NCALD: variants seen among roughly 807,000 people sequenced by gnomAD.
NCALD encodes the protein neurocalcin-delta.
Under a neutral mutation model 18.6 loss-of-function variants are expected in NCALD, and 10 were observed. The observed-to-expected ratio is 0.54, with a 90% CI of 0.33 to 0.91. NCALD has a LOEUF of 0.91. NCALD is among the 40% of genes least tolerant of loss of function. The pLI is 0.03. For missense variants in NCALD, 184 were observed against 247.6 expected (o/e 0.74, Z 1.72); for synonymous variants, 88 against 87.4 (o/e 1.01, Z -0.04).
chr8:101,848,158 A>C lies in NCALD; in HGVS notation c.-20+38983T>G, dbSNP rs145093005. Among the ~76,000 whole-genome samples, 355 of 152,246 alleles carry C rather than the reference A, an allele frequency of 2.3e-3. 2 individuals carry two copies. Among genetic ancestry groups the C allele is most frequent in the African/African-American group, 8.3e-3 (343 of 41,538 alleles). ...CCTATCTCAGGAAAGCATCATAAGA[A>C]AAATAGCTAAAAATTGAGGTATTCT... On this transcript the variant is annotated intron_variant, in intron 4 of 6. Transcript: ENST00000311028.
At chr8:102,093,875 A>G (rs1825007021) in intron 1 of NCALD, among the ~76,000 whole-genome samples, 1 of 152,122 alleles carries the variant, frequency 6.6e-6, no homozygotes, top group African/African-American at 2.4e-5. Context: ...CAGTTAATGA[A>G]AAGAAACAAA....
intron 2 of NCALD, among the ~76,000 whole-genome samples, chr8:101,931,997 C>A (rs2131708538): frequency 6.6e-6 from 1 of 152,270 alleles, no homozygotes; most frequent in Admixed American, 6.5e-5. Context: ...CCATCACAGC[C>A]CATCATTGCC....
At chr8:101,960,209 C>G (rs1819787181) in intron 2 of NCALD, among the ~76,000 whole-genome samples, 1 of 152,148 alleles carries the variant, frequency 6.6e-6, no homozygotes. Flanking sequence ...CCATACCATT[C>G]TGGTGCATTT....
At chr8:101,804,512 A>T (rs1386451818) in intron 4 of NCALD, among the ~76,000 whole-genome samples, 10 of 123,986 alleles carry the variant, frequency 8.1e-5, no homozygotes, top group African/African-American at 3.2e-4. Flanking sequence ...TAATTATATA[A>T]TATATAACAA....
chr8:101,927,367 A>G (rs1818373697), intron 2 of NCALD, among the ~76,000 whole-genome samples: 1 of 152,214 alleles, frequency 6.6e-6, no homozygotes, highest in Non-Finnish European at 1.5e-5. Flanking sequence ...AAACATATCC[A>G]TACAACAAGC....
chr8:102,033,234 T>C (rs1822744144), intron 1 of NCALD, among the ~76,000 whole-genome samples: 1 of 152,178 alleles, frequency 6.6e-6, no homozygotes, highest in African/African-American at 2.4e-5. Flanking sequence ...ATATACTCCA[T>C]CATCCAGAAG....
intron 1 of NCALD, among the ~76,000 whole-genome samples, chr8:101,727,084 T>C (rs781290777): frequency 6.6e-6 from 1 of 152,198 alleles, no homozygotes; most frequent in Non-Finnish European, 1.5e-5. Context: ...GGTCTCAATA[T>C]AACGAAACAA....
At position 101,961,760 on chromosome 8, in the gene NCALD, A is replaced by G. The variant is rs553481619; in HGVS notation, c.-156-45902T>C. Among the ~76,000 whole-genome samples the G allele has an allele frequency of 2.0e-4, 30 of 152,214 alleles. 1 individual carries two copies. In the East Asian group the frequency reaches 5.4e-3, roughly 27 times the overall value. On this transcript the variant is annotated intron_variant, in intron 2 of 6. Coordinates refer to the NCALD transcript ENST00000311028. ...ACTACTACTTTTAATTCAAATTTACAAAGGACATTCTCGCCAACTCTACAG... is the reference window on the plus strand; with the variant it reads ...ACTACTACTTTTAATTCAAATTTACGAAGGACATTCTCGCCAACTCTACAG...
intron 2 of NCALD, among the ~76,000 whole-genome samples, chr8:101,925,512 T>C (rs1818306237): frequency 6.6e-6 from 1 of 152,170 alleles, no homozygotes; most frequent in South Asian, 2.1e-4. Flanking sequence ...TCATTCCCCC[T>C]CTCATTAGCA....
At chr8:101,911,282 G>T (rs1563888768) in intron 3 of NCALD, among the ~76,000 whole-genome samples, 2 of 149,006 alleles carry the variant, frequency 1.3e-5, no homozygotes. Context: ...AAAAAAAAAA[G>T]AGGAGAAGGG....
upstream of NCALD, among the ~76,000 whole-genome samples, chr8:101,792,608 A>G (rs1812486736): frequency 6.6e-6 from 1 of 152,218 alleles, no homozygotes; most frequent in South Asian, 2.1e-4. Context: ...ACCAACAGCC[A>G]CAATTCATAA....
chr8:101,883,918 T>C (rs928009626), intron 4 of NCALD, among the ~76,000 whole-genome samples: 7 of 152,184 alleles, frequency 4.6e-5, no homozygotes, highest in African/African-American at 1.7e-4. Flanking sequence ...AGCAGTGTCA[T>C]TATACAATTG....
chr8:101,696,317 A>C (rs2130045775), intron 2 of NCALD, among the ~76,000 whole-genome samples: 1 of 152,368 alleles, frequency 6.6e-6, no homozygotes, highest in African/African-American at 2.4e-5. Flanking sequence ...AGTAAAATAA[A>C]GAAATACATG....
intron 2 of NCALD, among the ~76,000 whole-genome samples, chr8:101,705,026 C>T (rs1051366476): frequency 2.7e-5 from 4 of 149,712 alleles, no homozygotes; most frequent in African/African-American, 4.9e-5. Flanking sequence ...GAGTTCGAGA[C>T]GACCAGCCTG....
intron 1 of NCALD, among the ~76,000 whole-genome samples, chr8:102,099,000 G>A (rs1825189480): frequency 6.6e-6 from 1 of 152,170 alleles, no homozygotes; most frequent in Admixed American, 6.5e-5. Context: ...GCTGTTGATG[G>A]CCATGTTGGC....
intron 2 of NCALD, among the ~76,000 whole-genome samples, chr8:101,967,840 GACACACACAC>G (rs34321706): frequency 6.8e-6 from 1 of 147,794 alleles, no homozygotes; most frequent in South Asian, 2.2e-4. Context: ...TCTTAAAATT[GACACACACAC>G]ACACACACAC....
At chr8:101,938,251 A>G (rs1026328224) in intron 2 of NCALD, among the ~76,000 whole-genome samples, 1 of 152,218 alleles carries the variant, frequency 6.6e-6, no homozygotes. Context: ...ACCACTGTTT[A>G]TTTTATATGA....
intron 1 of NCALD, among the ~76,000 whole-genome samples, chr8:101,734,325 C>T (rs1217822814): frequency 6.6e-6 from 1 of 152,200 alleles, no homozygotes; most frequent in East Asian, 1.9e-4. Context: ...CCTTCTCTGA[C>T]CACCCGGAAC....
intron 2 of NCALD, among the ~76,000 whole-genome samples, chr8:102,008,945 C>CACACACAT (rs1779224276): frequency 2.1e-5 from 3 of 146,042 alleles, no homozygotes; most frequent in African/African-American, 7.6e-5. Flanking sequence ...CACACACACA[C>CACACACAT]ACACACACAC....
Sources: gnomAD v4.1 joint callset for allele counts (sites outside exome capture counted in the v4.1 genomes callset) on GRCh38, gnomAD v4.1.1 for gene constraint, MANE v1.5 for transcripts, NCBI Gene and HGNC (gene_info 2026-07-23, HGNC 2026-07-21) for gene names.